Variants in PTK2B observed in about 807,000 individuals in gnomAD.
PTK2B encodes the protein protein tyrosine kinase 2 beta.
Under a neutral mutation model 142.9 loss-of-function variants are expected in PTK2B, and 71 were observed. The observed-to-expected ratio is 0.50, with a 90% CI of 0.41 to 0.61. PTK2B has a LOEUF of 0.61. PTK2B is among the 20% of genes least tolerant of loss of function. The pLI is 0.00. For synonymous variants in PTK2B, 519 were observed against 503.4 expected, an observed-to-expected ratio of 1.03 and a Z score of -0.42; for missense variants, 1,105 against 1,320.4, an observed-to-expected ratio of 0.84 and a Z score of 2.53.
chr8:27,348,252 CT>C (rs1469802359), intron 1 of PTK2B, among the ~76,000 whole-genome samples: 4 of 152,224 alleles, frequency 2.6e-5, no homozygotes, highest in Non-Finnish European at 5.9e-5. Flanking sequence ...AAATCTGGCC[CT>C]TTTCCTGTGT....
chr8:27,374,328 T>C (rs1806535475), intron 1 of PTK2B, among the ~76,000 whole-genome samples: 1 of 152,224 alleles, frequency 6.6e-6, no homozygotes, highest in Non-Finnish European at 1.5e-5. Context: ...TAATCCAGTA[T>C]GGTAGGACAT....
At chr8:27,407,830 C>G (rs1439601556) in intron 2 of PTK2B, among the ~76,000 whole-genome samples, 1 of 152,178 alleles carries the variant, frequency 6.6e-6, no homozygotes, top group East Asian at 1.9e-4. Flanking sequence ...ACAATGCTAG[C>G]TACCATTTTT....
intron 21 of PTK2B, among the ~76,000 whole-genome samples, chr8:27,442,598 T>G (rs1586338890): frequency 6.6e-6 from 1 of 152,218 alleles, no homozygotes; most frequent in Non-Finnish European, 1.5e-5. Flanking sequence ...GTCAGGCTCC[T>G]GCTGCATGTT....
At chr8:27,426,180 A>G (rs1210458643) in intron 5 of PTK2B, among the ~76,000 whole-genome samples, 6 of 152,268 alleles carry the variant, frequency 3.9e-5, no homozygotes, top group Non-Finnish European at 7.3e-5. Flanking sequence ...CTTTGCTTCA[A>G]AAGGCATCTT....
At chr8:27,409,848 G>A (rs756556041) in intron 2 of PTK2B, among the ~76,000 whole-genome samples, 4 of 152,252 alleles carry the variant, frequency 2.6e-5, no homozygotes, top group Non-Finnish European at 5.9e-5. Flanking sequence ...AGCCTCCCAA[G>A]TAGCTGGGTT....
At chr8:27,384,099 C>T (rs1275504637) in intron 1 of PTK2B, among the ~76,000 whole-genome samples, 1 of 152,062 alleles carries the variant, frequency 6.6e-6, no homozygotes, top group Admixed American at 6.5e-5. Context: ...ATCCTCCTGC[C>T]TCGGCCTCCC....
intron 1 of PTK2B, among the ~76,000 whole-genome samples, chr8:27,392,628 G>A (rs1399912234): frequency 6.6e-6 from 1 of 152,174 alleles, no homozygotes; most frequent in Non-Finnish European, 1.5e-5. Flanking sequence ...CAGAACACAG[G>A]CAGGGTGAGC....
At chr8:27,389,260 G>A (rs1807561135) in intron 1 of PTK2B, among the ~76,000 whole-genome samples, 2 of 152,026 alleles carry the variant, frequency 1.3e-5, no homozygotes, top group African/African-American at 4.8e-5. Context: ...GAGAGAGGAG[G>A]GAAGGAAGGA....
chr8:27,430,864 C>T lies in PTK2B; in HGVS notation c.670-12C>T, dbSNP rs781476168. On this transcript the variant is annotated splice_polypyrimidine_tract_variant and intron_variant, in intron 7 of 30. Transcript: ENST00000346049. ...AGCAGGCATTGCTCACACGGCCCAT[C>T]CCCTCCCCCAGCCCAAACAGTTCCG... 5 of 1,612,558 alleles carry T rather than the reference C, an allele frequency of 3.1e-6. No homozygotes were observed. The highest frequency in any genetic ancestry group is 4.2e-6 in the Non-Finnish European group (5 of 1,179,184).
chr8:27,427,260 T>A (rs1810142016), intron 5 of PTK2B, among the ~76,000 whole-genome samples: 1 of 152,222 alleles, frequency 6.6e-6, no homozygotes, highest in Non-Finnish European at 1.5e-5. Flanking sequence ...GACCATCTGC[T>A]CTTCCCATCA....
At chr8:27,402,458 G>T (rs138196244) in intron 2 of PTK2B, among the ~76,000 whole-genome samples, 2 of 152,172 alleles carry the variant, frequency 1.3e-5, no homozygotes. Context: ...CAGGTTGGTC[G>T]TAGACACTTG....
chr8:27,396,383 C>T (rs1413060183), intron 1 of PTK2B: 2 of 152,182 alleles, frequency 1.3e-5, no homozygotes, highest in Non-Finnish European at 2.9e-5. Context: ...AATTTCCCTC[C>T]CTCTAAAATC....
rs373422836 is a variant in PTK2B at position 27,451,459 on chromosome 8, C to T, written c.2524-26C>T. The T allele has an allele frequency of 2.6e-5, 42 of 1,613,612 alleles. No individual in the cohort carries two copies. The Middle Eastern group carries it at 4.9e-4, about 19-fold the overall frequency. ...TCTCCACAGCCGCATGAGTGACGTT[C>T]CTGTTCTCTTTCCTCCTTCCTCCAG... On this transcript the variant is annotated intron_variant, in intron 26 of 30. Coordinates refer to ENST00000346049, the MANE Select transcript of PTK2B (RefSeq NM_173176.3).
intron 1 of PTK2B, among the ~76,000 whole-genome samples, chr8:27,336,728 C>T (rs1283030590): frequency 6.6e-6 from 1 of 152,226 alleles, no homozygotes; most frequent in Non-Finnish European, 1.5e-5. Context: ...TCCTTCTTGT[C>T]ACCAGAACCC....
At chr8:27,437,334 G>T (rs1382420561) in intron 16 of PTK2B, 62 bp from the exon 17 acceptor site, 2 of 1,559,198 alleles carry the variant, frequency 1.3e-6, no homozygotes, top group Non-Finnish European at 1.8e-6. Flanking sequence ...AAGAGCAAAG[G>T]CCTTTTCTGA....
At chr8:27,430,029 G>C in intron 5 of PTK2B, 64 bp from the exon 6 acceptor site, 1 of 1,471,662 alleles carries the variant, frequency 6.8e-7, no homozygotes. Context: ...GGCATGAGGT[G>C]CCCTGGGTCT....
intron 3 of PTK2B, among the ~76,000 whole-genome samples, chr8:27,313,452 G>T (rs1803027692): frequency 6.6e-6 from 1 of 152,232 alleles, no homozygotes; most frequent in Non-Finnish European, 1.5e-5. Context: ...GGACAGAAAA[G>T]AAAGTACACT....
chr8:27,325,066 G>T (rs143486071), upstream of PTK2B, among the ~76,000 whole-genome samples: 34 of 152,342 alleles, frequency 2.2e-4, no homozygotes, highest in African/African-American at 8.2e-4. Context: ...TGGTATTTAT[G>T]ATTTTTCATG....
chr8:27,442,150 A>G (rs1030058135), intron 21 of PTK2B, among the ~76,000 whole-genome samples: 2 of 152,228 alleles, frequency 1.3e-5, no homozygotes, highest in African/African-American at 4.8e-5. Flanking sequence ...AACAATAGTT[A>G]TATTTTAAAA....
Sources: allele counts gnomAD v4.1 joint callset (sites outside exome capture counted in the v4.1 genomes callset), GRCh38; gene constraint gnomAD v4.1.1; transcripts MANE v1.5; gene names NCBI Gene and HGNC (gene_info 2026-07-23, HGNC 2026-07-21).